Variants in RALGAPB observed in about 807,000 individuals in gnomAD.
The protein encoded by RALGAPB is ral GTPase-activating protein subunit beta.
RALGAPB carries 25 observed loss-of-function variants against 161.1 expected under a neutral mutation model. The ratio of observed to expected loss-of-function variants is 0.16; its 90% confidence interval spans 0.11 to 0.22. RALGAPB has a LOEUF of 0.22. RALGAPB is among the 10% of genes least tolerant of loss of function. The probability of loss-of-function intolerance (pLI) is 1.00; values close to 1 mark genes in which losing one functional copy is unlikely to be tolerated. For synonymous variants in RALGAPB, 629 were observed against 626.1 expected (o/e 1.00, Z -0.07); for missense variants, 1,391 against 1,815.2 (o/e 0.77, Z 4.25).
intron 23 of RALGAPB, among the ~76,000 whole-genome samples, chr20:38,561,149 C>A (rs547096429): frequency 6.6e-6 from 1 of 152,228 alleles, no homozygotes; most frequent in South Asian, 2.1e-4. Flanking sequence ...CATGGTAAAA[C>A]CCGTTTTTAC....
chr20:38,562,859 T>G (rs2087835957), intron 24 of RALGAPB, among the ~76,000 whole-genome samples, 162 bp downstream of exon 24: 2 of 152,184 alleles, frequency 1.3e-5, no homozygotes, highest in Non-Finnish European at 2.9e-5. Flanking sequence ...GAGGATCGAC[T>G]GAGGCTAGGA....
rs751844412 is a variant in RALGAPB at position 38,535,115 on chromosome 20, A to G, written c.2287A>G (p.Ile763Val). Residue 763 changes from isoleucine (I) to valine (V), a missense_variant, in exon 16 of 30, where the codon ATT becomes GTT. Coordinates refer to ENST00000262879, the MANE Select transcript of RALGAPB (RefSeq NM_020336.4). ...AGCTGCTGGGCTCCTGATTCGCAGCATTCATCTCGTCACCCAAAGACTCAA... is the reference window on the plus strand; with the variant it reads ...AGCTGCTGGGCTCCTGATTCGCAGCGTTCATCTCGTCACCCAAAGACTCAA... Reference protein sequence around the residue: ...DSAAGLLIRSIHLVTQRLNSQ... With the variant: ...DSAAGLLIRSVHLVTQRLNSQ... 6.2e-7 allele frequency: 1 copy of G among 1,614,034 alleles called. No homozygotes were observed. The highest frequency in any genetic ancestry group is 2.2e-5 in the East Asian group (1 of 44,896).
At position 38,519,576 on chromosome 20, in the gene RALGAPB, C is replaced by T. The variant is rs896733721; in HGVS notation, c.1417+1576C>T. On this transcript the variant is annotated intron_variant, in intron 9 of 29. Transcript: ENST00000262879. ...TAACAGCTTTGCTCACCCTCTTGCA[C>T]CAGAAGATAAAAACCAGACTTCAAA... 2.0e-5 allele frequency among the ~76,000 whole-genome samples: 3 copies of T among 151,994 alleles called. No individual in the cohort carries two copies. The East Asian group carries it at 5.8e-4, about 29-fold the overall frequency.
rs1387401434 is a variant in RALGAPB at position 38,546,423 on chromosome 20, T to C, written c.2895T>C (p.Asn965=). The C allele has an allele frequency of 1.2e-6, 2 of 1,613,886 alleles. No individual in the cohort carries two copies. Among genetic ancestry groups the C allele is most frequent in the African/African-American group, 1.3e-5 (1 of 74,908 alleles). Residue 965 remains asparagine, a synonymous_variant, in exon 19 of 30, where the codon AAT becomes AAC. Transcript: ENST00000262879. The stretch of plus-strand genomic sequence containing the variant: ...CAATGCTGGAACAACCTCTTGGAAA[T>C]GAGCAGAGTAAGTTTATAGTACTTT... The part of the protein sequence containing the change: ...ILAMLEQPLG[N]EQNDFFPSVT...
intron 1 of RALGAPB, among the ~76,000 whole-genome samples, chr20:38,484,982 A>G (rs71351574): frequency 6.6e-6 from 1 of 152,320 alleles, no homozygotes; most frequent in East Asian, 1.9e-4. Context: ...GGTGTGAGCC[A>G]CCACCACACC....
rs2086914641 is a variant in RALGAPB at position 38,539,835 on chromosome 20, C to T, written c.2439C>T (p.Tyr813=). The change falls in exon 17 of 30, where the codon TAC becomes TAT. Residue 813 remains tyrosine, a synonymous_variant. Coordinates refer to ENST00000262879, the MANE Select transcript of RALGAPB (RefSeq NM_020336.4). ...RKRAISSVCT[Y]IVYQCSRPAP... is the part of the protein sequence containing the mutation. ...GAGCCATCAGTTCTGTGTGCACCTA[C>T]ATTGTTTATCAGTGTAGTCGGCCAG... The T allele has an allele frequency of 1.2e-6, 2 of 1,614,092 alleles. No homozygotes were observed. The highest frequency in any genetic ancestry group is 4.5e-5 in the East Asian group (2 of 44,868).
intron 22 of RALGAPB, among the ~76,000 whole-genome samples, chr20:38,558,041 A>G (rs914164955): frequency 1.3e-5 from 2 of 152,358 alleles, no homozygotes; most frequent in South Asian, 2.1e-4. Flanking sequence ...GCACAATATT[A>G]TAGAGAAAAC....
intron 24 of RALGAPB, among the ~76,000 whole-genome samples, chr20:38,564,349 A>C (rs1230707979): frequency 6.6e-6 from 1 of 152,212 alleles, no homozygotes; most frequent in Non-Finnish European, 1.5e-5. Flanking sequence ...TGGCTTACAA[A>C]GCCTAAAATG....
chr20:38,510,626 T>TAA (rs1413061102), intron 6 of RALGAPB, among the ~76,000 whole-genome samples: 31 of 144,624 alleles, frequency 2.1e-4, no homozygotes, highest in African/African-American at 7.0e-4. Context: ...AAATCTTTTA[T>TAA]AGGGCCGGGC....
intron 6 of RALGAPB, among the ~76,000 whole-genome samples, chr20:38,511,736 A>G (rs1012482964): frequency 6.6e-6 from 1 of 152,242 alleles, no homozygotes; most frequent in Non-Finnish European, 1.5e-5. Flanking sequence ...ACTTCTTTCT[A>G]CACAGACACA....
At chr20:38,558,631 A>G (rs1421112932) in intron 23 of RALGAPB, among the ~76,000 whole-genome samples, 178 bp downstream of exon 23, 1 of 152,216 alleles carries the variant, frequency 6.6e-6, no homozygotes, top group Non-Finnish European at 1.5e-5. Flanking sequence ...GTTTTTAAAG[A>G]TAAAAAGGAT....
intron 13 of RALGAPB, among the ~76,000 whole-genome samples, chr20:38,526,523 A>T (rs1043000718): frequency 6.6e-6 from 1 of 151,976 alleles, no homozygotes; most frequent in African/African-American, 2.4e-5. Flanking sequence ...TTTCTTCAGA[A>T]CCTTACTTTA....
At chr20:38,538,084 G>C (rs1170876000) in intron 16 of RALGAPB, 1 of 158,494 alleles carries the variant, frequency 6.3e-6, no homozygotes, top group East Asian at 1.6e-4. Context: ...CTACTATTAG[G>C]GTTTGCTGTG....
rs529712013 is a variant in RALGAPB, at chr20:38,562,642, T to C, written c.3642T>C (p.His1214=). ...DVGRHPGWTG[H]VSTSWSINCC... ...GCAGACACCCTGGTTGGACTGGGCA[T>C]GTTTCTACCAGTTGGTCTATTAATT... The change falls in exon 24 of 30, where the codon CAT becomes CAC. Residue 1214 remains histidine (H), a synonymous_variant. Transcript: ENST00000262879. 1 of 1,613,972 alleles carries C rather than the reference T, an allele frequency of 6.2e-7. No homozygotes were observed. The highest frequency in any genetic ancestry group is 1.1e-5 in the South Asian group (1 of 91,032).
chr20:38,483,191 A>G (rs1246092264), intron 1 of RALGAPB, among the ~76,000 whole-genome samples: 2 of 152,194 alleles, frequency 1.3e-5, no homozygotes, highest in African/African-American at 2.4e-5. Flanking sequence ...ACCTGGCCTT[A>G]TTCTATTATT....
At position 38,541,088 on chromosome 20, in the gene RALGAPB, A is replaced by G; in HGVS notation, c.2610A>G (p.Gly870=). ...AGATTGTGGAACTGGGTATCTCAGG[A>G]AGTAAGTCCAAGAACAATGAGCAAG... The part of the protein sequence containing the change: ...VLEIVELGIS[G]SKSKNNEQEV... The change falls in exon 18 of 30, where the codon GGA becomes GGG. Residue 870 remains glycine, a synonymous_variant. Coordinates refer to ENST00000262879, the MANE Select transcript of RALGAPB (RefSeq NM_020336.4). 1 of 1,614,114 alleles carries G rather than the reference A, an allele frequency of 6.2e-7. No individual in the cohort carries two copies. Among genetic ancestry groups the G allele is most frequent in the Non-Finnish European group, 8.5e-7 (1 of 1,180,006 alleles).
chr20:38,507,480 C>T (rs1300240749), intron 5 of RALGAPB, among the ~76,000 whole-genome samples: 1 of 151,970 alleles, frequency 6.6e-6, no homozygotes, highest in Non-Finnish European at 1.5e-5. Flanking sequence ...CTCAAACAAT[C>T]CTCTCACCTC....
chr20:38,549,156 G>A (rs530533081), intron 20 of RALGAPB, among the ~76,000 whole-genome samples: 129 of 152,178 alleles, frequency 8.5e-4, no homozygotes, highest in African/African-American at 2.7e-3. Flanking sequence ...TGATTTGTCC[G>A]CAACAGGACT....
Position 38,534,941 on chromosome 20 carries a change from G to A in RALGAPB, c.2246-133G>A, listed in dbSNP as rs1287181911. The A allele has an allele frequency of 2.2e-5, 24 of 1,085,902 alleles. No homozygotes were observed. In the East Asian group the frequency reaches 3.1e-4, roughly 14 times the overall value. 67.3% of individuals were successfully genotyped at this position (1,085,902 alleles called of 1,614,324 possible). A position where few individuals can be genotyped will look rare whatever the true frequency, so the allele number is the denominator to read the frequency against. ...CACTCAACCCAGTGGGGTGGGGAGC[G>A]TAGCACTGTGTGGGTGCCCGTCGTT... On this transcript the variant is annotated intron_variant, in intron 15 of 29. Coordinates refer to ENST00000262879, the MANE Select transcript of RALGAPB (RefSeq NM_020336.4).
Sources: allele counts gnomAD v4.1 joint callset (sites outside exome capture counted in the v4.1 genomes callset), GRCh38; gene constraint gnomAD v4.1.1; transcripts MANE v1.5; gene names NCBI Gene and HGNC (gene_info 2026-07-23, HGNC 2026-07-21).